Variants in ELP3 observed in about 807,000 individuals in gnomAD.
The protein encoded by ELP3 is elongator complex protein 3.
Under a neutral mutation model 74.9 loss-of-function variants are expected in ELP3, and 56 were observed. That is an observed-to-expected ratio of 0.75 (90% CI 0.60 to 0.93). The LOEUF is 0.93. ELP3 is among the 40% of genes least tolerant of loss of function. ELP3 has a pLI of 0.00. For synonymous variants in ELP3, 222 were observed against 239.8 expected, an observed-to-expected ratio of 0.93 and a Z score of 0.68; for missense variants, 573 against 686.5, an observed-to-expected ratio of 0.83 and a Z score of 1.85.
intron 3 of ELP3, among the ~76,000 whole-genome samples, chr8:28,105,767 T>C (rs1811663039): frequency 6.6e-6 from 1 of 152,208 alleles, no homozygotes; most frequent in South Asian, 2.1e-4. Context: ...TAGCTACTTC[T>C]CTGATAGTAA....
chr8:28,127,036 G>GT (rs1812603001), intron 7 of ELP3, among the ~76,000 whole-genome samples: 1 of 152,136 alleles, frequency 6.6e-6, no homozygotes, highest in African/African-American at 2.4e-5. Context: ...AACTTGAGTT[G>GT]TTTTTTTCTT....
chr8:28,119,417 C>T (rs556072210), intron 7 of ELP3, among the ~76,000 whole-genome samples: 49 of 151,736 alleles, frequency 3.2e-4, no homozygotes, highest in Middle Eastern at 3.4e-3. Flanking sequence ...CGTGTGCTTG[C>T]GCTGTCTTTT....
intron 14 of ELP3, among the ~76,000 whole-genome samples, chr8:28,186,556 A>G (rs1815249061): frequency 6.6e-6 from 1 of 152,210 alleles, no homozygotes; most frequent in Non-Finnish European, 1.5e-5. Context: ...TCGATTGCTT[A>G]TAACAGGATA....
chr8:28,097,910 A>C (rs547486348), intron 2 of ELP3, among the ~76,000 whole-genome samples: 1 of 152,348 alleles, frequency 6.6e-6, no homozygotes, highest in South Asian at 2.1e-4. Flanking sequence ...TAATTTGTCC[A>C]GGGGTAAGTA....
chr8:28,113,376 A>G (rs1585653916), intron 7 of ELP3, among the ~76,000 whole-genome samples: 1 of 152,398 alleles, frequency 6.6e-6, no homozygotes, highest in Admixed American at 6.5e-5. Context: ...TTTCACTGAA[A>G]TAATCCTTTT....
At chr8:28,110,183 T>G (rs1349372244) in intron 5 of ELP3, among the ~76,000 whole-genome samples, 187 bp from the exon 6 acceptor site, 1 of 152,140 alleles carries the variant, frequency 6.6e-6, no homozygotes, top group Non-Finnish European at 1.5e-5. Flanking sequence ...ACAGCGTGAG[T>G]GGACACCTGC....
intron 3 of ELP3, among the ~76,000 whole-genome samples, chr8:28,104,474 A>C (rs1479583932): frequency 6.6e-6 from 1 of 152,258 alleles, no homozygotes; most frequent in African/African-American, 2.4e-5. Context: ...CAGCCGTTTC[A>C]ATAACATCCC....
At chr8:28,091,275 GT>G (rs1811047376), upstream of ELP3, among the ~76,000 whole-genome samples, 1 of 152,122 alleles carries the variant, frequency 6.6e-6, no homozygotes, top group South Asian at 2.1e-4. Flanking sequence ...CTGTGTTGAT[GT>G]TAACACTGGT....
intron 14 of ELP3, among the ~76,000 whole-genome samples, chr8:28,164,002 G>C (rs1019175200): frequency 6.6e-6 from 1 of 152,140 alleles, no homozygotes; most frequent in Admixed American, 6.6e-5. Flanking sequence ...TAACGACAAC[G>C]CTCTGTGATC....
chr8:28,095,659 G>C (rs1811223227), intron 1 of ELP3, among the ~76,000 whole-genome samples: 1 of 152,208 alleles, frequency 6.6e-6, no homozygotes, highest in Non-Finnish European at 1.5e-5. Context: ...AAAAAAGCAT[G>C]GAAGTTGTGG....
At chr8:28,116,693 T>G (rs1157922462) in intron 7 of ELP3, among the ~76,000 whole-genome samples, 1 of 152,106 alleles carries the variant, frequency 6.6e-6, no homozygotes, top group African/African-American at 2.4e-5. Flanking sequence ...GAGCCAAGAT[T>G]GCACTACTGC....
intron 14 of ELP3, among the ~76,000 whole-genome samples, chr8:28,170,003 A>C (rs1395220301): frequency 1.3e-5 from 2 of 152,192 alleles, no homozygotes; most frequent in East Asian, 1.9e-4. Context: ...TGGCAGCCAT[A>C]GTATTTTTAT....
chr8:28,106,539 CAAAAAAAAAAAA>C (rs61714722), intron 3 of ELP3, among the ~76,000 whole-genome samples, 162 bp from the exon 4 acceptor site: 4 of 112,734 alleles, frequency 3.5e-5, no homozygotes, highest in South Asian at 5.3e-4. Flanking sequence ...GACTCCGTCT[CAAAAAAAAAAAA>C]AAAAAAAAAA....
At chr8:28,129,705 G>C (rs370944256) in intron 8 of ELP3, 42 bp downstream of exon 8, 6 of 1,610,136 alleles carry the variant, frequency 3.7e-6, no homozygotes, top group Non-Finnish European at 4.2e-6. Flanking sequence ...CTTCCTCCAA[G>C]TTCACCATTT....
chr8:28,162,183 T>C, intron 14 of ELP3, 105 bp downstream of exon 14: 1 of 1,181,922 alleles, frequency 8.5e-7, no homozygotes, highest in Admixed American at 1.9e-5. Context: ...GTTATTACGT[T>C]CAAAATTGAG....
intron 14 of ELP3, among the ~76,000 whole-genome samples, chr8:28,187,013 ACT>A (rs1434479085): frequency 2.0e-5 from 3 of 152,176 alleles, no homozygotes; most frequent in Non-Finnish European, 4.4e-5. Flanking sequence ...ATGCAGCCTG[ACT>A]GGAGCCCCAC....
At chr8:28,168,333 T>C (rs550228034) in intron 14 of ELP3, among the ~76,000 whole-genome samples, 59 of 152,330 alleles carry the variant, frequency 3.9e-4, no homozygotes, top group African/African-American at 1.3e-3. Context: ...AAGTACAGCA[T>C]TTGGCAAATG....
chr8:28,093,985 G>A (rs1479455330), intron 1 of ELP3, among the ~76,000 whole-genome samples: 1 of 152,190 alleles, frequency 6.6e-6, no homozygotes, highest in African/African-American at 2.4e-5. Flanking sequence ...GGCTGGTCAG[G>A]CTGTATCTGT....
chr8:28,104,744 G>A (rs1811620555), intron 3 of ELP3, among the ~76,000 whole-genome samples: 1 of 152,172 alleles, frequency 6.6e-6, no homozygotes, highest in Non-Finnish European at 1.5e-5. Context: ...CGCAGGTTTG[G>A]TTTTCCTATC....
Sources: allele counts gnomAD v4.1 joint callset (sites outside exome capture counted in the v4.1 genomes callset), GRCh38; gene constraint gnomAD v4.1.1; transcripts MANE v1.5; gene names NCBI Gene and HGNC (gene_info 2026-07-23, HGNC 2026-07-21).